ULK4: variants seen among roughly 807,000 people sequenced by gnomAD.
The protein encoded by ULK4 is unc-51 like kinase 4.
In ULK4, 133 loss-of-function variants were observed where a neutral mutation model predicts 160.6. The ratio of observed to expected loss-of-function variants is 0.83; its 90% CI spans 0.72 to 0.96. The LOEUF is 0.96. Ranked by LOEUF, ULK4 falls within the 40% of genes least tolerant of loss-of-function variation. ULK4 has a pLI of 0.00. For synonymous variants in ULK4, 534 were observed against 539.8 expected, an observed-to-expected ratio of 0.99 and a Z score of 0.15; for missense variants, 1,580 against 1,499.5, an observed-to-expected ratio of 1.05 and a Z score of -0.89.
intron 35 of ULK4, among the ~76,000 whole-genome samples, chr3:41,281,513 C>T (rs1489152922): frequency 2.6e-5 from 4 of 152,082 alleles, no homozygotes; most frequent in Non-Finnish European, 5.9e-5. Flanking sequence ...AATCAATGAA[C>T]GTAGTCCATC....
intron 32 of ULK4, among the ~76,000 whole-genome samples, chr3:41,526,085 C>T (rs978265679): frequency 2.6e-5 from 4 of 152,180 alleles, no homozygotes; most frequent in Admixed American, 2.6e-4. Context: ...TCCTTATCTC[C>T]TTCTCTGTCT....
chr3:41,458,466 G>A (rs1276824313), intron 33 of ULK4, among the ~76,000 whole-genome samples: 2 of 152,166 alleles, frequency 1.3e-5, no homozygotes, highest in African/African-American at 4.8e-5. Context: ...GCTGGGCATG[G>A]TAGCTCATGC....
chr3:41,319,381 T>C (rs1400705672), intron 35 of ULK4, among the ~76,000 whole-genome samples: 1 of 152,220 alleles, frequency 6.6e-6, no homozygotes, highest in Non-Finnish European at 1.5e-5. Flanking sequence ...CTAAAAGCAC[T>C]CTTCATATGT....
At chr3:41,462,998 A>G (rs2083725507) in intron 33 of ULK4, 89 bp downstream of exon 33, 1 of 1,433,922 alleles carries the variant, frequency 7.0e-7, no homozygotes, top group Non-Finnish European at 9.5e-7. Flanking sequence ...AAGTAAAGAC[A>G]CAATAGAGGA....
intron 32 of ULK4, among the ~76,000 whole-genome samples, chr3:41,557,291 A>G (rs1158906298): frequency 8.6e-5 from 13 of 151,358 alleles, no homozygotes; most frequent in Admixed American, 8.5e-4. Flanking sequence ...AAACTTGTAA[A>G]TAGACCAGAG....
chr3:41,522,182 A>C (rs932442385), intron 32 of ULK4, among the ~76,000 whole-genome samples: 2 of 145,488 alleles, frequency 1.4e-5, no homozygotes, highest in African/African-American at 5.2e-5. Context: ...GCAGCAGTGC[A>C]GTGGCACAGT....
intron 32 of ULK4, among the ~76,000 whole-genome samples, chr3:41,473,367 A>T (rs1575272723): frequency 6.6e-6 from 1 of 152,162 alleles, no homozygotes; most frequent in East Asian, 1.9e-4. Flanking sequence ...AACTGCTAGA[A>T]CTAGTAAATA....
chr3:41,332,279 G>C (rs1288927846), intron 35 of ULK4, among the ~76,000 whole-genome samples: 1 of 151,798 alleles, frequency 6.6e-6, no homozygotes, highest in Non-Finnish European at 1.5e-5. Flanking sequence ...CAAAAGCACC[G>C]ATTATAAAGC....
At chr3:41,715,648 C>A in intron 23 of ULK4, 80 bp from the exon 24 acceptor site, 1 of 1,561,888 alleles carries the variant, frequency 6.4e-7, no homozygotes, top group East Asian at 2.3e-5. Flanking sequence ...CTTGAATACC[C>A]ATGGGACTTC....
intron 35 of ULK4, among the ~76,000 whole-genome samples, chr3:41,292,528 T>G (rs1292284016): frequency 3.3e-5 from 5 of 151,070 alleles, no homozygotes; most frequent in Admixed American, 6.6e-5. Context: ...CACCTGTAAT[T>G]CCAGCTACTC....
At chr3:41,823,994 T>C (rs1354049105) in intron 18 of ULK4, among the ~76,000 whole-genome samples, 1 of 151,714 alleles carries the variant, frequency 6.6e-6, no homozygotes. Context: ...GAAACACCAT[T>C]TCTACTAAAA....
intron 5 of ULK4, 92 bp from the exon 6 acceptor site, chr3:41,919,910 G>A: frequency 4.4e-6 from 3 of 687,532 alleles, no homozygotes; most frequent in Non-Finnish European, 7.4e-6. Context: ...GATGAAAAAG[G>A]GCAGGAGAAA....
intron 35 of ULK4, among the ~76,000 whole-genome samples, chr3:41,339,904 T>C (rs1033787921): frequency 1.3e-5 from 2 of 152,208 alleles, no homozygotes; most frequent in African/African-American, 2.4e-5. Flanking sequence ...TGATTGATAT[T>C]ATTTGCATAA....
At chr3:41,514,705 T>C (rs1051497098) in intron 32 of ULK4, among the ~76,000 whole-genome samples, 10 of 152,090 alleles carry the variant, frequency 6.6e-5, no homozygotes, top group African/African-American at 2.4e-4. Context: ...CATGTTCTTA[T>C]TCATAAGTGG....
intron 31 of ULK4, among the ~76,000 whole-genome samples, chr3:41,601,647 G>A (rs191332298): frequency 9.9e-5 from 15 of 152,010 alleles, no homozygotes; most frequent in African/African-American, 2.7e-4. Context: ...ATGATACCTC[G>A]TCTCTGTGGT....
In ULK4 at chr3:41,912,818, A is replaced by C. The variant is rs754349034; in HGVS notation, c.885T>G (p.Asp295Glu). The change falls in exon 9 of 37, where the codon GAT becomes GAG. Residue 295 changes from aspartate to glutamate, a missense_variant. Transcript: ENST00000301831. ...AGADQESSVE[D>E]LSLSRNTMEC... is the part of the protein sequence containing the mutation. ...TAAGTGTATACTACCTGAGACTGAG[A>C]TCTTCGACGCTTGATTCCTGATCTG... 6.8e-6 allele frequency: 11 copies of C among 1,614,130 alleles called. No homozygotes were observed. In the South Asian group the frequency reaches 7.7e-5, roughly 11 times the overall value.
chr3:41,904,002 A>C lies in ULK4; in HGVS notation c.1183-3173T>G, dbSNP rs868054955. ...GGGCAAAAGGCTCTTAAAAAAAAAA[A>C]AAAAAAAAGTAATCAGTGTTTACCC... is the stretch of plus-strand genomic sequence containing the variant. On this transcript the variant is annotated intron_variant, in intron 12 of 36. Coordinates refer to ENST00000301831, the MANE Select transcript of ULK4 (RefSeq NM_017886.4). Among the ~76,000 whole-genome samples the C allele has an allele frequency of 3.0e-3, 460 of 152,078 alleles. 1 individual carries two copies. The highest frequency in any genetic ancestry group is 0.011 in the African/African-American group (436 of 41,500).
At chr3:41,565,940 G>T in intron 32 of ULK4, 85 bp downstream of exon 32, 1 of 931,540 alleles carries the variant, frequency 1.1e-6, no homozygotes, top group Non-Finnish European at 1.6e-6. Flanking sequence ...TCAACTTTAA[G>T]TGGTACTTCT....
intron 35 of ULK4, among the ~76,000 whole-genome samples, chr3:41,388,257 G>A (rs2081870403): frequency 6.6e-6 from 1 of 152,080 alleles, no homozygotes; most frequent in Non-Finnish European, 1.5e-5. Context: ...TGAGTTCATT[G>A]TAGATTCTGG....
Sources: gnomAD v4.1 joint callset for allele counts (sites outside exome capture counted in the v4.1 genomes callset) on GRCh38, gnomAD v4.1.1 for gene constraint, MANE v1.5 for transcripts, NCBI Gene and HGNC (gene_info 2026-07-23, HGNC 2026-07-21) for gene names.